TAF1: variants seen among roughly 807,000 people sequenced by gnomAD.
The protein encoded by TAF1 is transcription initiation factor TFIID subunit 1.
TAF1 carries 2 observed loss-of-function variants against 138.5 expected under a neutral mutation model. The observed-to-expected ratio is 0.01, with a 90% CI of 0.01 to 0.05. The LOEUF (loss-of-function observed/expected upper bound fraction) is 0.05, where lower values mean the gene tolerates loss of function less well. TAF1 is among the 10% of genes least tolerant of loss of function. The pLI is 1.00. For missense variants in TAF1, 709 were observed against 1,478.0 expected (o/e 0.48, Z 8.53); for synonymous variants, 437 against 503.2 (o/e 0.87, Z 1.76).
chrX:71,376,267 T>G (rs2033465915), intron 4 of TAF1, among the ~76,000 whole-genome samples: 1 of 111,914 alleles, frequency 8.9e-6, no homozygotes, highest in African/African-American at 3.2e-5. Flanking sequence ...CCCGTGGGCT[T>G]AAAAAAATTC....
chrX:71,388,599 C>G, intron 16 of TAF1, 139 bp from the exon 17 acceptor site: 2 of 945,760 alleles, frequency 2.1e-6, no homozygotes, highest in Non-Finnish European at 2.9e-6. Flanking sequence ...AACTTAGCAG[C>G]TGGGGTTTTC....
intron 28 of TAF1, among the ~76,000 whole-genome samples, chrX:71,409,030 G>C (rs1311235808): frequency 9.3e-6 from 1 of 107,485 alleles, no homozygotes; most frequent in Non-Finnish European, 1.9e-5. Flanking sequence ...AAAAAAAAAA[G>C]AGAGAGAGAC....
chrX:71,523,650 T>C (rs1330105296), intron 13 of TAF1, among the ~76,000 whole-genome samples: 1 of 111,879 alleles, frequency 8.9e-6, no homozygotes, highest in Non-Finnish European at 1.9e-5. Flanking sequence ...TAAAAACATT[T>C]AGATGAAAAT....
intron 13 of TAF1, among the ~76,000 whole-genome samples, chrX:71,488,312 C>T (rs1295357460): frequency 1.0e-5 from 1 of 98,206 alleles, no homozygotes; most frequent in African/African-American, 3.8e-5. Context: ...GGCATGATCT[C>T]GGCTCACTGC....
chrX:71,458,113 A>G (rs1282001543), intron 34 of TAF1, 128 bp from the exon 35 acceptor site: 2 of 913,253 alleles, frequency 2.2e-6, no homozygotes, highest in South Asian at 2.6e-5. Flanking sequence ...AGCTGTGTCA[A>G]ACTATGTTTC....
At chrX:71,470,855 A>T (rs767630557), downstream of TAF1, among the ~76,000 whole-genome samples, 124 of 107,271 alleles carry the variant, frequency 1.2e-3, no homozygotes, top group African/African-American at 4.2e-3. Flanking sequence ...ATAAAATAAA[A>T]TAAATAAAAT....
intron 13 of TAF1, among the ~76,000 whole-genome samples, chrX:71,519,049 G>A (rs1004702364): frequency 1.8e-5 from 2 of 108,464 alleles, no homozygotes; most frequent in Non-Finnish European, 3.8e-5. Context: ...CTGGCCGGGC[G>A]CGGTGGCTCA....
chrX:71,475,386 C>T (rs1442727998), intron 13 of TAF1, among the ~76,000 whole-genome samples: 1 of 109,314 alleles, frequency 9.1e-6, no homozygotes, highest in Non-Finnish European at 1.9e-5. Flanking sequence ...GAGTTTGAGA[C>T]CAGCCTGGCC....
At chrX:71,401,873 C>T (rs2035190261) in intron 25 of TAF1, 134 bp downstream of exon 25, 4 of 608,245 alleles carry the variant, frequency 6.6e-6, no homozygotes, top group Non-Finnish European at 1.0e-5. Context: ...GGCGTTTCCT[C>T]AGTTATTGTT....
intron 13 of TAF1, among the ~76,000 whole-genome samples, chrX:71,514,127 G>A (rs891073922): frequency 2.7e-5 from 3 of 111,432 alleles, no homozygotes; most frequent in Non-Finnish European, 5.6e-5. Flanking sequence ...CACCGTGAAG[G>A]TCCACGGCTT....
intron 25 of TAF1, among the ~76,000 whole-genome samples, chrX:71,403,900 G>GTT (rs1170586346): frequency 8.5e-5 from 6 of 70,853 alleles, no homozygotes; most frequent in Non-Finnish European, 1.1e-4. Flanking sequence ...CAGATCCTGT[G>GTT]TTTTTTTTTT....
At position 71,381,815 on chromosome X, in the gene TAF1, A is replaced by G; in HGVS notation, c.1433A>G (p.Tyr478Cys). 1 of 1,207,189 alleles carries G rather than the reference A, an allele frequency of 8.3e-7. No individual in the cohort carries two copies. The highest frequency in any genetic ancestry group is 1.1e-6 in the Non-Finnish European group (1 of 893,092). The change falls in exon 9 of 38, where the codon TAT (tyrosine) becomes TGT (cysteine). Residue 478 changes from tyrosine to cysteine, a missense_variant. This residue lies in a region of TAF1 where 201 missense variants were observed against 421.3 expected (regional missense o/e 0.48). Transcript: ENST00000423759. ...IFPIDNEDLV[Y>C]GRWEDNIIWD... The stretch of plus-strand genomic sequence containing the variant: ...CCCATTGACAATGAGGATCTGGTAT[A>G]TGGACGCTGGGAGGACAATATCATT...
intron 37 of TAF1, among the ~76,000 whole-genome samples, chrX:71,462,072 T>C (rs1363934344): frequency 9.0e-6 from 1 of 111,378 alleles, no homozygotes; most frequent in Non-Finnish European, 1.9e-5. Flanking sequence ...GATTGATCCA[T>C]GTAAGATCTA....
intron 13 of TAF1, among the ~76,000 whole-genome samples, chrX:71,504,168 C>T (rs760812086): frequency 4.5e-5 from 5 of 110,497 alleles, no homozygotes; most frequent in South Asian, 3.8e-4. Flanking sequence ...GCCCACCCTA[C>T]GGATTTCAGA....
intron 28 of TAF1, among the ~76,000 whole-genome samples, chrX:71,419,101 C>A (rs1398392211): frequency 9.0e-6 from 1 of 111,497 alleles, no homozygotes; most frequent in African/African-American, 3.3e-5. Flanking sequence ...TTGTATTAAC[C>A]CGATGTTATT....
At chrX:71,523,125 TGAGCCGAGATCGTA>T in intron 13 of TAF1, among the ~76,000 whole-genome samples, 1 of 92,836 alleles carries the variant, frequency 1.1e-5, no homozygotes, top group African/African-American at 4.3e-5. Context: ...GAGGTTCCAG[TGAGCCGAGATCGTA>T]CCACTGCGCT....
At position 71,510,273 on chromosome X, in the gene TAF1, C is replaced by T. The variant is rs181527765; in HGVS notation, c.1367-18269C>T. On this transcript the variant is annotated intron_variant and NMD_transcript_variant, in intron 13 of 14. Transcript: ENST00000373775. ...ATGCCTCAAACCATTGCAGAAGTGG[C>T]GGGATGATATAGATGCCCCCACTGC... is the stretch of plus-strand genomic sequence containing the variant. Among the ~76,000 whole-genome samples the T allele has an allele frequency of 3.1e-3, 338 of 109,937 alleles. 1 individual carries two copies. Among genetic ancestry groups the T allele is most frequent in the Admixed American group, 5.9e-3 (60 of 10,182 alleles).
chrX:71,516,020 G>A (rs999347994), intron 13 of TAF1, among the ~76,000 whole-genome samples: 1 of 109,869 alleles, frequency 9.1e-6, no homozygotes, highest in Non-Finnish European at 1.9e-5. Context: ...GTCAACAGGG[G>A]TTGGGGGAGG....
intron 8 of TAF1, 56 bp downstream of exon 8, chrX:71,379,087 T>C: frequency 1.1e-6 from 1 of 902,600 alleles, no homozygotes; most frequent in Non-Finnish European, 1.5e-6. Flanking sequence ...TTAGTCACCA[T>C]AAGTGGGCTC....
Sources: allele counts gnomAD v4.1 joint callset (sites outside exome capture counted in the v4.1 genomes callset), GRCh38; gene constraint gnomAD v4.1.1; regional missense constraint gnomAD v4.1.1; transcripts MANE v1.5; gene names NCBI Gene and HGNC (gene_info 2026-07-23, HGNC 2026-07-21).